FAM199X: variants seen among roughly 807,000 people sequenced by gnomAD.
FAM199X encodes protein FAM199X.
Under a neutral mutation model 22.9 loss-of-function variants are expected in FAM199X, and 4 were observed. The ratio of observed to expected loss-of-function variants is 0.17; its 90% CI spans 0.09 to 0.40. FAM199X has a LOEUF of 0.40. FAM199X is among the 10% of genes least tolerant of loss of function. FAM199X has a pLI of 1.00. For synonymous variants in FAM199X, 101 were observed against 112.3 expected, an observed-to-expected ratio of 0.90 and a Z score of 0.64; for missense variants, 183 against 306.8, an observed-to-expected ratio of 0.60 and a Z score of 3.01.
intron 1 of FAM199X, among the ~76,000 whole-genome samples, chrX:104,167,781 C>A (rs782393195): frequency 7.2e-5 from 8 of 110,525 alleles, no homozygotes; most frequent in African/African-American, 2.6e-4. Context: ...CTGGAGACTT[C>A]TCTCATGCAA....
intron 2 of FAM199X, 58 bp from the exon 3 acceptor site, chrX:104,186,008 A>G: frequency 9.2e-7 from 1 of 1,087,342 alleles, no homozygotes; most frequent in Non-Finnish European, 1.2e-6. Context: ...GTAGTATTTA[A>G]AATGTAGTCT....
chrX:104,168,909 C>G (rs1290564059), intron 1 of FAM199X, among the ~76,000 whole-genome samples: 1 of 104,888 alleles, frequency 9.5e-6, no homozygotes, highest in Non-Finnish European at 1.9e-5. Context: ...ACTTCCCTCT[C>G]CTACCCTACT....
rs1921195304 is a variant in FAM199X, at chrX:104,166,564, G to C, written c.-222G>C. ...CGGAAGCTGCAGAGGCCACCGGGGC[G>C]CTAACTGGGTGGCCGGTGGGCCGCT... On this transcript the variant is annotated 5_prime_UTR_variant, in exon 1 of 6. Coordinates refer to ENST00000493442, the MANE Select transcript of FAM199X (RefSeq NM_207318.4). 2 of 297,367 alleles carry C rather than the reference G, an allele frequency of 6.7e-6. No individual in the cohort carries two copies. The highest frequency in any genetic ancestry group is 1.2e-5 in the Non-Finnish European group (2 of 170,127). The allele number at this position is 297,367 out of a possible 1,213,427, so 24.5% of individuals were successfully genotyped here.
At chrX:104,160,104 G>C in the FAM199X span, among the ~76,000 whole-genome samples, 1 of 112,256 alleles carries the variant, frequency 8.9e-6, no homozygotes, top group Non-Finnish European at 1.9e-5. Flanking sequence ...ATCATGCTCA[G>C]CTCATGTTTG....
Position 104,190,067 on chromosome X carries a change from T to C in FAM199X, c.*289T>C, listed in dbSNP as rs192302025. 6.7e-4 allele frequency: 162 copies of C among 240,109 alleles called. No individual in the cohort carries two copies. In the East Asian group the frequency reaches 8.6e-3, roughly 13 times the overall value. The allele number at this position is 240,109 out of a possible 1,213,427, so 19.8% of individuals were successfully genotyped here. A position where few individuals can be genotyped will look rare whatever the true frequency, so the allele number is the denominator to read the frequency against. ...AGTGCTGGGTTATTCTGATGCACAG[T>C]CTAGTTTAAGAACCACTACTTTGGG... On this transcript the variant is annotated 3_prime_UTR_variant, in exon 6 of 6. Transcript: ENST00000493442.
chrX:104,179,722 CT>C (rs1921593702), intron 2 of FAM199X, among the ~76,000 whole-genome samples: 1 of 110,722 alleles, frequency 9.0e-6, no homozygotes, highest in Non-Finnish European at 1.9e-5. Flanking sequence ...TTTTCCTAAT[CT>C]TAGGGGAGAG....
intron 2 of FAM199X, among the ~76,000 whole-genome samples, chrX:104,178,644 T>C (rs1556377055): frequency 8.9e-6 from 1 of 111,817 alleles, no homozygotes; most frequent in African/African-American, 3.3e-5. Flanking sequence ...GAAAATATTA[T>C]TCTTTCCTCA....
chrX:104,169,084 CCCT>C (rs200809228), intron 1 of FAM199X, among the ~76,000 whole-genome samples: 4,243 of 110,984 alleles, frequency 0.038, 174 homozygotes, highest in African/African-American at 0.13. Flanking sequence ...GCTTTCTTAC[CCCT>C]CCTCAAGATG....
At chrX:104,185,770 A>G (rs1031708150) in intron 2 of FAM199X, among the ~76,000 whole-genome samples, 1 of 110,281 alleles carries the variant, frequency 9.1e-6, no homozygotes, top group Admixed American at 9.7e-5. Flanking sequence ...ACACCCAGCT[A>G]ATTTTTGTAT....
chrX:104,162,816 T>G (rs1427622927), upstream of FAM199X, among the ~76,000 whole-genome samples: 1 of 111,978 alleles, frequency 8.9e-6, no homozygotes, highest in Admixed American at 9.5e-5. Flanking sequence ...GTTTGCACCC[T>G]ACAATTCTCT....
chrX:104,160,814 G>A, the FAM199X span, among the ~76,000 whole-genome samples: 3 of 111,182 alleles, frequency 2.7e-5, no homozygotes, highest in Non-Finnish European at 5.7e-5. Flanking sequence ...ATATATATTT[G>A]CAAGGATGAA....
intron 2 of FAM199X, among the ~76,000 whole-genome samples, chrX:104,176,712 A>C (rs981773364): frequency 7.1e-5 from 8 of 112,154 alleles, no homozygotes; most frequent in Non-Finnish European, 1.5e-4. Context: ...ATACTGTTAA[A>C]AACATATGGG....
In FAM199X at chrX:104,178,201, C is replaced by T. The variant is rs561594663; in HGVS notation, c.417+2359C>T. 1.7e-4 allele frequency among the ~76,000 whole-genome samples: 19 copies of T among 110,015 alleles called. No homozygotes were observed. In the South Asian group the frequency reaches 6.6e-3, roughly 38 times the overall value. ...TTTTGAGACAGAGTCCCGCTCAGCT[C>T]AGTTGCCCAGGCTGGAGTGCAGTGA... is the stretch of plus-strand genomic sequence containing the variant. On this transcript the variant is annotated intron_variant, in intron 2 of 5. Transcript: ENST00000493442.
the FAM199X span, among the ~76,000 whole-genome samples, chrX:104,161,401 T>C: frequency 4.4e-5 from 5 of 112,378 alleles, no homozygotes; most frequent in African/African-American, 1.6e-4. Flanking sequence ...GATATGACTT[T>C]CCTAACTTAT....
upstream of FAM199X, among the ~76,000 whole-genome samples, chrX:104,166,010 A>T (rs1310533870): frequency 8.9e-6 from 1 of 111,769 alleles, no homozygotes; most frequent in Admixed American, 9.4e-5. Context: ...GGGTTCTTGG[A>T]GTTAGGTGAT....
chrX:104,164,089 A>G (rs1343275393), upstream of FAM199X, among the ~76,000 whole-genome samples: 5 of 112,956 alleles, frequency 4.4e-5, no homozygotes, highest in Non-Finnish European at 9.4e-5. Context: ...GCTCTTGTAC[A>G]AATGTAACAC....
At chrX:104,176,704 A>T (rs781943980) in intron 2 of FAM199X, among the ~76,000 whole-genome samples, 1 of 112,320 alleles carries the variant, frequency 8.9e-6, no homozygotes, top group African/African-American at 3.2e-5. Flanking sequence ...ATGTTTGCAT[A>T]CTGTTAAAAA....
At chrX:104,160,380 T>C in the FAM199X span, among the ~76,000 whole-genome samples, 3 of 113,021 alleles carry the variant, frequency 2.7e-5, no homozygotes, top group South Asian at 1.1e-3. Context: ...AAAATTATGT[T>C]TTTATTAAAA....
At chrX:104,166,380 G>C (rs1178146630), upstream of FAM199X, among the ~76,000 whole-genome samples, 1 of 111,267 alleles carries the variant, frequency 9.0e-6, no homozygotes, top group Non-Finnish European at 1.9e-5. Flanking sequence ...TTCCTCCTCC[G>C]GTCCAGCAGG....
Sources: allele counts gnomAD v4.1 joint callset (sites outside exome capture counted in the v4.1 genomes callset), GRCh38; gene constraint gnomAD v4.1.1; transcripts MANE v1.5; gene names NCBI Gene and HGNC (gene_info 2026-07-23, HGNC 2026-07-21).